SLC39A10: variants seen among roughly 807,000 people sequenced by gnomAD.
SLC39A10 encodes zinc transporter ZIP10.
In SLC39A10, 13 loss-of-function variants were observed where a neutral mutation model predicts 65.1. The ratio of observed to expected loss-of-function variants is 0.20; its 90% CI spans 0.13 to 0.32. The LOEUF (loss-of-function observed/expected upper bound fraction) is 0.32. Among genes scored for constraint, SLC39A10 ranks in the 10% least tolerant of loss-of-function variants. The pLI is 1.00. For missense variants in SLC39A10, 831 were observed against 1,018.4 expected (o/e 0.82, Z 2.50); for synonymous variants, 321 against 342.2 (o/e 0.94, Z 0.68).
intron 3 of SLC39A10, among the ~76,000 whole-genome samples, chr2:195,701,532 T>G (rs1182567485): frequency 1.3e-5 from 2 of 150,548 alleles, no homozygotes; most frequent in Non-Finnish European, 3.0e-5. Flanking sequence ...ATTCTAATAA[T>G]ATGCTAACTC....
intron 2 of SLC39A10, among the ~76,000 whole-genome samples, chr2:195,637,554 A>G (rs775343728): frequency 5.9e-5 from 9 of 152,256 alleles, no homozygotes; most frequent in Non-Finnish European, 1.3e-4. Flanking sequence ...ATACAGTCAA[A>G]CAATATTTGT....
chr2:195,640,127 A>G (rs1688775142), intron 2 of SLC39A10, among the ~76,000 whole-genome samples: 1 of 152,156 alleles, frequency 6.6e-6, no homozygotes, highest in Non-Finnish European at 1.5e-5. Flanking sequence ...CTCTTGGGAG[A>G]GCAATTTCAC....
intron 2 of SLC39A10, among the ~76,000 whole-genome samples, chr2:195,635,577 G>A (rs1688682108): frequency 6.6e-6 from 1 of 152,032 alleles, no homozygotes; most frequent in Non-Finnish European, 1.5e-5. Flanking sequence ...ACCATATAAA[G>A]TTTCATGTTT....
At chr2:195,639,977 A>T (rs1258541059) in intron 2 of SLC39A10, among the ~76,000 whole-genome samples, 5 of 152,226 alleles carry the variant, frequency 3.3e-5, no homozygotes, top group Non-Finnish European at 7.3e-5. Flanking sequence ...TTATCAGTGT[A>T]GAGTCATGGA....
At chr2:195,631,112 G>T (rs1244183785) in intron 2 of SLC39A10, among the ~76,000 whole-genome samples, 1 of 152,056 alleles carries the variant, frequency 6.6e-6, no homozygotes, top group African/African-American at 2.4e-5. Context: ...CTTGAACCCA[G>T]GGGGTGGAGG....
chr2:195,707,301 A>T (rs1324337255), intron 4 of SLC39A10, among the ~76,000 whole-genome samples: 1 of 152,186 alleles, frequency 6.6e-6, no homozygotes, highest in Non-Finnish European at 1.5e-5. Flanking sequence ...TCCTAGTACC[A>T]TGCTTACCAA....
At chr2:195,669,230 G>GT (rs1401726565) in intron 1 of SLC39A10, among the ~76,000 whole-genome samples, 1 of 152,138 alleles carries the variant, frequency 6.6e-6, no homozygotes, top group African/African-American at 2.4e-5. Flanking sequence ...TTTCTATTGA[G>GT]TAAGTAGTAT....
chr2:195,673,449 T>C (rs1384643169), intron 1 of SLC39A10, among the ~76,000 whole-genome samples: 1 of 152,236 alleles, frequency 6.6e-6, no homozygotes, highest in Admixed American at 6.5e-5. Context: ...TGAGCCACAG[T>C]GCCCAGCCCA....
At chr2:195,677,103 CTG>C (rs753088181) in intron 1 of SLC39A10, among the ~76,000 whole-genome samples, 7 of 152,192 alleles carry the variant, frequency 4.6e-5, no homozygotes, top group Non-Finnish European at 5.9e-5. Context: ...TTGAAATAGA[CTG>C]TGTTCAGAAA....
intron 2 of SLC39A10, among the ~76,000 whole-genome samples, chr2:195,645,279 T>C (rs537226469): frequency 6.6e-6 from 1 of 152,052 alleles, no homozygotes; most frequent in Non-Finnish European, 1.5e-5. Context: ...TACTGGCTAA[T>C]GTCATTGCCT....
chr2:195,642,033 G>T (rs1688820715), intron 2 of SLC39A10, among the ~76,000 whole-genome samples: 1 of 152,154 alleles, frequency 6.6e-6, no homozygotes. Context: ...CAATTAATCT[G>T]CAGAGATAAT....
intron 5 of SLC39A10, among the ~76,000 whole-genome samples, chr2:195,712,758 T>G (rs1324315630): frequency 6.6e-6 from 1 of 152,212 alleles, no homozygotes; most frequent in Non-Finnish European, 1.5e-5. Flanking sequence ...CAATAATTAG[T>G]ATTTGTAACT....
At position 195,718,204 on chromosome 2, in the gene SLC39A10, G is replaced by T. The variant is rs372487405; in HGVS notation, c.2066-48G>T. 14 of 1,451,992 alleles carry T rather than the reference G, an allele frequency of 9.6e-6. No individual in the cohort carries two copies. In the African/African-American group the frequency reaches 1.8e-4, roughly 19 times the overall value. The allele number at this position is 1,451,992 out of a possible 1,614,324, so 89.9% of individuals were successfully genotyped here. On this transcript the variant is annotated intron_variant, in intron 7 of 9. Coordinates refer to ENST00000359634, the MANE Select transcript of SLC39A10 (RefSeq NM_020342.3). ...CATCTGTCATTAATGAAAATGTGAA[G>T]AGTTAAGATCAGCAAACCTCACTTG...
intron 9 of SLC39A10, among the ~76,000 whole-genome samples, chr2:195,733,240 G>A (rs1201890701): frequency 6.6e-6 from 1 of 152,168 alleles, no homozygotes; most frequent in Non-Finnish European, 1.5e-5. Context: ...GCAAAACGTA[G>A]TGTCCCAGAG....
chr2:195,686,321 A>G (rs1017205006), intron 3 of SLC39A10, among the ~76,000 whole-genome samples: 1 of 152,242 alleles, frequency 6.6e-6, no homozygotes, highest in Non-Finnish European at 1.5e-5. Context: ...ATTTCTGGTT[A>G]ATATCTTTGC....
chr2:195,654,007 C>T (rs551026784), upstream of SLC39A10, among the ~76,000 whole-genome samples: 9 of 152,170 alleles, frequency 5.9e-5, no homozygotes, highest in African/African-American at 2.2e-4. Flanking sequence ...GGCATGATCT[C>T]GGCTCACCGC....
At chr2:195,650,003 C>T (rs1324325796) in intron 2 of SLC39A10, among the ~76,000 whole-genome samples, 1 of 152,160 alleles carries the variant, frequency 6.6e-6, no homozygotes, top group African/African-American at 2.4e-5. Context: ...AAAATATATT[C>T]TCACGGAGGT....
intron 3 of SLC39A10, among the ~76,000 whole-genome samples, chr2:195,692,202 A>G (rs990890574): frequency 9.2e-5 from 14 of 152,112 alleles, no homozygotes; most frequent in African/African-American, 3.1e-4. Flanking sequence ...CCATTGGTCT[A>G]TGTGCCTATT....
intron 2 of SLC39A10, among the ~76,000 whole-genome samples, chr2:195,683,012 G>T (rs188768885): frequency 6.6e-6 from 1 of 152,142 alleles, no homozygotes; most frequent in African/African-American, 2.4e-5. Context: ...GTGACAAAGG[G>T]ACAGTGCCAA....
Sources: allele counts gnomAD v4.1 joint callset (sites outside exome capture counted in the v4.1 genomes callset), GRCh38; gene constraint gnomAD v4.1.1; transcripts MANE v1.5; gene names NCBI Gene and HGNC (gene_info 2026-07-23, HGNC 2026-07-21).